LRRTM4: variants seen among roughly 807,000 people sequenced by gnomAD.
The protein encoded by LRRTM4 is leucine-rich repeat transmembrane neuronal protein 4.
A neutral mutation model predicts 47.6 loss-of-function variants in LRRTM4; 25 were observed. That is an observed-to-expected ratio of 0.53 (90% CI 0.38 to 0.73). The LOEUF (loss-of-function observed/expected upper bound fraction) is 0.73. Ranked by LOEUF, LRRTM4 falls within the 30% of genes least tolerant of loss-of-function variation. The probability of loss-of-function intolerance (pLI) is 0.00; values close to 1 mark genes in which losing one functional copy is unlikely to be tolerated. For synonymous variants in LRRTM4, 311 were observed against 269.5 expected (o/e 1.15, Z -1.51); for missense variants, 638 against 713.4 (o/e 0.89, Z 1.20).
intron 3 of LRRTM4, among the ~76,000 whole-genome samples, chr2:76,939,064 A>G (rs570605892): frequency 4.3e-4 from 65 of 152,260 alleles, no homozygotes; most frequent in African/African-American, 1.6e-3. Context: ...TACTTTCTAG[A>G]TAAATATTCA....
chr2:76,763,704 C>A (rs1290091350), intron 3 of LRRTM4, among the ~76,000 whole-genome samples: 1 of 152,034 alleles, frequency 6.6e-6, no homozygotes, highest in Non-Finnish European at 1.5e-5. Flanking sequence ...GGGTAGAGGC[C>A]AGAAGAGTTT....
chr2:76,798,270 T>C (rs566554896), intron 3 of LRRTM4, among the ~76,000 whole-genome samples: 5 of 151,990 alleles, frequency 3.3e-5, no homozygotes, highest in East Asian at 3.9e-4. Flanking sequence ...ACAGTGCAAT[T>C]AAAATAGAAC....
In LRRTM4 at chr2:76,798,621, A is replaced by G. The variant is rs537434694; in HGVS notation, c.1552-49705T>C. Among the ~76,000 whole-genome samples the G allele has an allele frequency of 2.4e-3, 357 of 151,706 alleles. 5 individuals carry two copies. Among genetic ancestry groups the G allele is most frequent in the African/African-American group, 8.3e-3 (342 of 41,322 alleles). ...AAATCACAGCAGAACTGAAGGAAAT[A>G]GAGACACAAAAAACCCTTCAAAAAA... is the stretch of plus-strand genomic sequence containing the variant. On this transcript the variant is annotated intron_variant, in intron 3 of 3. Coordinates refer to ENST00000409884, the MANE Select transcript of LRRTM4 (RefSeq NM_001134745.3).
At chr2:76,879,187 G>A (rs567260043) in intron 3 of LRRTM4, among the ~76,000 whole-genome samples, 1 of 152,302 alleles carries the variant, frequency 6.6e-6, no homozygotes, top group East Asian at 1.9e-4. Context: ...TTAAACAGTA[G>A]GTTTTCAGTG....
intron 3 of LRRTM4, among the ~76,000 whole-genome samples, chr2:77,140,277 A>T (rs1434295321): frequency 6.6e-6 from 1 of 152,170 alleles, no homozygotes; most frequent in Non-Finnish European, 1.5e-5. Context: ...CAAAACAAAG[A>T]TATAGACCAG....
intron 3 of LRRTM4, among the ~76,000 whole-genome samples, chr2:76,754,516 G>A (rs1293054428): frequency 1.3e-5 from 2 of 152,130 alleles, no homozygotes; most frequent in Non-Finnish European, 2.9e-5. Context: ...TCAGGGTCCT[G>A]TCAATCAAAC....
intron 3 of LRRTM4, among the ~76,000 whole-genome samples, chr2:77,366,580 C>G (rs1672471886): frequency 6.6e-6 from 1 of 151,832 alleles, no homozygotes; most frequent in Admixed American, 6.6e-5. Context: ...TTATATCTCA[C>G]TTGGATGTCT....
intron 3 of LRRTM4, among the ~76,000 whole-genome samples, chr2:77,446,062 C>A (rs926283974): frequency 6.6e-6 from 1 of 151,878 alleles, no homozygotes; most frequent in Non-Finnish European, 1.5e-5. Context: ...GGTTATATAA[C>A]GTAAGCACTT....
chr2:77,188,283 A>G (rs1425777627), intron 3 of LRRTM4, among the ~76,000 whole-genome samples: 1 of 152,102 alleles, frequency 6.6e-6, no homozygotes, highest in Non-Finnish European at 1.5e-5. Flanking sequence ...GACATACGAT[A>G]TTTCCCCTCT....
intron 3 of LRRTM4, among the ~76,000 whole-genome samples, chr2:76,955,936 T>C (rs1397687609): frequency 2.6e-5 from 4 of 151,620 alleles, no homozygotes; most frequent in African/African-American, 7.3e-5. Flanking sequence ...CAAGAAAACA[T>C]TGAATAAAAT....
chr2:76,873,683 G>C (rs1672702390), intron 3 of LRRTM4, among the ~76,000 whole-genome samples: 1 of 151,446 alleles, frequency 6.6e-6, no homozygotes, highest in African/African-American at 2.4e-5. Flanking sequence ...ACATGTGTGA[G>C]ATGTGCTTCT....
At chr2:77,233,535 G>C (rs188395420) in intron 3 of LRRTM4, among the ~76,000 whole-genome samples, 1 of 149,968 alleles carries the variant, frequency 6.7e-6, no homozygotes, top group Non-Finnish European at 1.5e-5. Context: ...ACTATATTTT[G>C]TTTATTTAAT....
intron 3 of LRRTM4, among the ~76,000 whole-genome samples, chr2:77,348,139 T>C (rs2104290414): frequency 6.6e-6 from 1 of 152,092 alleles, no homozygotes; most frequent in East Asian, 1.9e-4. Context: ...AGTCAAAACC[T>C]ATCTGAGTGG....
chr2:77,219,881 G>T (rs1674569284), intron 3 of LRRTM4, among the ~76,000 whole-genome samples: 1 of 152,176 alleles, frequency 6.6e-6, no homozygotes, highest in Non-Finnish European at 1.5e-5. Flanking sequence ...CACACAGCTT[G>T]AGATCTGAGA....
At chr2:77,294,151 G>C (rs535654098) in intron 3 of LRRTM4, among the ~76,000 whole-genome samples, 1 of 151,912 alleles carries the variant, frequency 6.6e-6, no homozygotes, top group East Asian at 1.9e-4. Flanking sequence ...ATTATTCTCT[G>C]TTTTTGTTTT....
chr2:76,791,659 AAAGACAATTTCAGTACTTATTAT>A (rs1674979729), intron 3 of LRRTM4, among the ~76,000 whole-genome samples: 2 of 152,202 alleles, frequency 1.3e-5, no homozygotes, highest in East Asian at 3.8e-4. Context: ...AGAACCAGTT[AAAGACAATTTCAGTACTTATTAT>A]AACCTCATAT....
intron 3 of LRRTM4, among the ~76,000 whole-genome samples, chr2:77,246,018 C>T (rs1452449734): frequency 6.6e-6 from 1 of 152,136 alleles, no homozygotes; most frequent in Non-Finnish European, 1.5e-5. Context: ...ACTGTAAATC[C>T]TTAGCTGAGT....
intron 3 of LRRTM4, among the ~76,000 whole-genome samples, chr2:76,979,564 A>C (rs562532912): frequency 1.3e-4 from 12 of 93,146 alleles, no homozygotes; most frequent in East Asian, 2.7e-4. Flanking sequence ...CTCTTCCTCT[A>C]TATATATATA....
chr2:77,207,142 TTATATATA>T (rs35745580), intron 3 of LRRTM4, among the ~76,000 whole-genome samples: 1 of 136,852 alleles, frequency 7.3e-6, no homozygotes, highest in African/African-American at 2.7e-5. Context: ...TATTTTATAT[TTATATATA>T]TATATATATA....
Sources: gnomAD v4.1 joint callset for allele counts (sites outside exome capture counted in the v4.1 genomes callset) on GRCh38, gnomAD v4.1.1 for gene constraint, MANE v1.5 for transcripts, NCBI Gene and HGNC (gene_info 2026-07-23, HGNC 2026-07-21) for gene names.